LEF1: variants seen among roughly 807,000 people sequenced by gnomAD.
LEF1 encodes the protein lymphoid enhancer binding factor 1, also known as lymphoid enhancer-binding factor 1.
In LEF1, 14 loss-of-function variants were observed where a neutral mutation model predicts 51.2. That is an observed-to-expected ratio of 0.27 (90% CI 0.18 to 0.43). LEF1 has a LOEUF of 0.43. LEF1 is among the 20% of genes least tolerant of loss of function. LEF1 has a pLI of 1.00. For missense variants in LEF1, 386 were observed against 512.0 expected (o/e 0.75, Z 2.37); for synonymous variants, 185 against 183.2 (o/e 1.01, Z -0.08).
chr4:108,081,526 G>T, intron 6 of LEF1, 60 bp downstream of exon 6: 1 of 1,362,774 alleles, frequency 7.3e-7, no homozygotes, highest in Non-Finnish European at 1.0e-6. Flanking sequence ...GAGGCGCACA[G>T]GATGCAAGCA....
chr4:108,081,039 G>A (rs1292770867), intron 6 of LEF1, among the ~76,000 whole-genome samples: 3 of 152,064 alleles, frequency 2.0e-5, no homozygotes, highest in Non-Finnish European at 4.4e-5. Flanking sequence ...CACAGGGCCT[G>A]ATTCACACAC....
chr4:108,058,647 TTC>T (rs1328710573), intron 11 of LEF1, among the ~76,000 whole-genome samples: 1 of 152,212 alleles, frequency 6.6e-6, no homozygotes, highest in African/African-American at 2.4e-5. Flanking sequence ...ATTTATATAC[TTC>T]TTATTCTCTT....
chr4:108,124,518 C>T (rs866019293), intron 3 of LEF1, among the ~76,000 whole-genome samples: 14 of 152,006 alleles, frequency 9.2e-5, no homozygotes, highest in South Asian at 4.2e-4. Context: ...TACAGGTGTA[C>T]GCCACCACAC....
chr4:108,065,032 T>A (rs1437431194), intron 9 of LEF1, among the ~76,000 whole-genome samples: 1 of 152,172 alleles, frequency 6.6e-6, no homozygotes, highest in Non-Finnish European at 1.5e-5. Flanking sequence ...AAGACTTATT[T>A]CTAGCAATTA....
intron 9 of LEF1, among the ~76,000 whole-genome samples, chr4:108,069,957 C>CAA (rs5860891): frequency 7.0e-6 from 1 of 142,746 alleles, no homozygotes; most frequent in African/African-American, 2.6e-5. Flanking sequence ...GATTCTGTCT[C>CAA]AAAAAAAAAA....
chr4:108,072,901 T>TTTG (rs58629050), intron 8 of LEF1: 7,874 of 152,038 alleles, frequency 0.052, 518 homozygotes, highest in African/African-American at 0.15. Flanking sequence ...ATCATCGTTT[T>TTTG]TTGTTGTTGT....
chr4:108,057,947 C>T (rs1737414919), intron 11 of LEF1, among the ~76,000 whole-genome samples: 1 of 151,496 alleles, frequency 6.6e-6, no homozygotes, highest in Non-Finnish European at 1.5e-5. Context: ...TATCTCTGCT[C>T]ACTGCAACCT....
chr4:108,118,085 T>A (rs769461619), intron 3 of LEF1, among the ~76,000 whole-genome samples: 3 of 152,180 alleles, frequency 2.0e-5, no homozygotes, highest in Non-Finnish European at 2.9e-5. Flanking sequence ...AGGCTTAGAC[T>A]AAATGAGTTG....
intron 3 of LEF1, among the ~76,000 whole-genome samples, chr4:108,111,985 AC>A (rs1741560491): frequency 6.6e-6 from 1 of 152,130 alleles, no homozygotes; most frequent in African/African-American, 2.4e-5. Flanking sequence ...GACTATTGAC[AC>A]TGTATCTTCT....
chr4:108,139,063 A>C (rs892290398), intron 3 of LEF1, among the ~76,000 whole-genome samples: 1 of 152,218 alleles, frequency 6.6e-6, no homozygotes, highest in African/African-American at 2.4e-5. Flanking sequence ...ATTCCCTGCC[A>C]TGGTATAATT....
At chr4:108,163,743 C>T (rs1266166768) in intron 2 of LEF1, 42 bp from the exon 3 acceptor site, 2 of 1,595,670 alleles carry the variant, frequency 1.3e-6, no homozygotes, top group African/African-American at 1.3e-5. Flanking sequence ...ACTGACTTCC[C>T]TTTTATATTA....
chr4:108,166,083 A>T (rs974643255), intron 1 of LEF1, among the ~76,000 whole-genome samples: 1 of 152,160 alleles, frequency 6.6e-6, no homozygotes, highest in Non-Finnish European at 1.5e-5. Context: ...TTTGGATGTT[A>T]TTCGGTTCTC....
At chr4:108,130,445 C>T (rs771816378) in intron 3 of LEF1, among the ~76,000 whole-genome samples, 11 of 151,858 alleles carry the variant, frequency 7.2e-5, no homozygotes, top group Non-Finnish European at 1.5e-4. Context: ...CCAGGCCAGG[C>T]GTGGTGGCTC....
At chr4:108,055,713 T>C (rs1275345835) in intron 11 of LEF1, among the ~76,000 whole-genome samples, 1 of 152,138 alleles carries the variant, frequency 6.6e-6, no homozygotes, top group Non-Finnish European at 1.5e-5. Flanking sequence ...CATATACTCC[T>C]CTCCCTCTGC....
At chr4:108,107,507 A>ATT (rs11405123) in intron 3 of LEF1, among the ~76,000 whole-genome samples, 12 of 150,826 alleles carry the variant, frequency 8.0e-5, no homozygotes, top group Non-Finnish European at 1.5e-4. Context: ...GGCTTATTTT[A>ATT]TTTTTTTTAA....
intron 8 of LEF1, 135 bp from the exon 9 acceptor site, chr4:108,070,905 T>C: frequency 1.5e-6 from 1 of 651,620 alleles, no homozygotes; most frequent in Non-Finnish European, 2.6e-6. Context: ...GAAGACCAAG[T>C]GCCAAGTGCC....
chr4:108,125,930 T>C (rs1236276357), intron 3 of LEF1, among the ~76,000 whole-genome samples: 2 of 152,180 alleles, frequency 1.3e-5, no homozygotes, highest in Non-Finnish European at 2.9e-5. Context: ...TTAACACCAA[T>C]CAGATTTTTC....
At chr4:108,143,746 C>G (rs1031668205) in intron 3 of LEF1, among the ~76,000 whole-genome samples, 3 of 152,150 alleles carry the variant, frequency 2.0e-5, no homozygotes, top group African/African-American at 7.2e-5. Flanking sequence ...AACACAGCAC[C>G]ACTTGCTCAG....
chr4:108,086,456 C>A (rs1399700860), intron 4 of LEF1, among the ~76,000 whole-genome samples: 1 of 152,074 alleles, frequency 6.6e-6, no homozygotes, highest in African/African-American at 2.4e-5. Flanking sequence ...ATATACTGAG[C>A]GTAGCCTTTA....
Sources: gnomAD v4.1 joint callset for allele counts (sites outside exome capture counted in the v4.1 genomes callset) on GRCh38, gnomAD v4.1.1 for gene constraint, MANE v1.5 for transcripts, NCBI Gene and HGNC (gene_info 2026-07-23, HGNC 2026-07-21) for gene names.